Variants in ADAMTS17 observed in about 807,000 individuals in gnomAD.
ADAMTS17 encodes A disintegrin and metalloproteinase with thrombospondin motifs 17.
ADAMTS17 carries 113 observed loss-of-function variants against 141.5 expected under a neutral mutation model. That is an observed-to-expected ratio of 0.80 (90% CI 0.69 to 0.93). ADAMTS17 has a LOEUF of 0.93. ADAMTS17 is among the 40% of genes least tolerant of loss of function. The pLI is 0.00. For synonymous variants in ADAMTS17, 768 were observed against 630.6 expected, an observed-to-expected ratio of 1.22 and a Z score of -3.27; for missense variants, 1,659 against 1,517.9, an observed-to-expected ratio of 1.09 and a Z score of -1.54.
intron 3 of ADAMTS17, among the ~76,000 whole-genome samples, chr15:100,298,413 G>C (rs993468807): frequency 6.6e-6 from 1 of 152,066 alleles, no homozygotes; most frequent in African/African-American, 2.4e-5. Context: ...ATCAAGCCCC[G>C]ACTCTGTGGT....
At chr15:100,133,117 G>A (rs2038139631) in intron 11 of ADAMTS17, 97 bp downstream of exon 11, 2 of 1,203,314 alleles carry the variant, frequency 1.7e-6, no homozygotes, top group Non-Finnish European at 2.3e-6. Context: ...TGTTTCAGGG[G>A]CTCCTAAGTA....
intron 7 of ADAMTS17, among the ~76,000 whole-genome samples, chr15:100,245,331 G>A (rs2042954627): frequency 6.6e-6 from 1 of 152,232 alleles, no homozygotes; most frequent in South Asian, 2.1e-4. Context: ...TTCCCAGTCA[G>A]AACAATGAAG....
chr15:100,332,442 C>A lies in ADAMTS17; in HGVS notation c.451-1388G>T, dbSNP rs555453791. On this transcript the variant is annotated intron_variant, in intron 2 of 21. Transcript: ENST00000268070. ...GGGATGGAGCCCCGCGTGGGAGGAC[C>A]CCCCACCTGCTCCCCAGAGGATACG... is the stretch of plus-strand genomic sequence containing the variant. Among the ~76,000 whole-genome samples the A allele has an allele frequency of 5.8e-4, 89 of 152,324 alleles. 1 individual carries two copies. The highest frequency in any genetic ancestry group is 2.1e-3 in the African/African-American group (87 of 41,560).
chr15:100,209,351 G>A (rs1242882625), intron 7 of ADAMTS17, among the ~76,000 whole-genome samples: 1 of 152,146 alleles, frequency 6.6e-6, no homozygotes, highest in Non-Finnish European at 1.5e-5. Context: ...GAGCAGCTCT[G>A]GGCACCAGCT....
At chr15:100,184,251 G>A (rs2040625665) in intron 8 of ADAMTS17, among the ~76,000 whole-genome samples, 1 of 151,548 alleles carries the variant, frequency 6.6e-6, no homozygotes, top group African/African-American at 2.4e-5. Flanking sequence ...CTGTTCTTGG[G>A]TTTTATGTCT....
intron 3 of ADAMTS17, among the ~76,000 whole-genome samples, chr15:100,328,785 G>A (rs1282562656): frequency 6.6e-6 from 1 of 152,284 alleles, no homozygotes; most frequent in East Asian, 1.9e-4. Flanking sequence ...GCGGCCATTA[G>A]ACAAACATCC....
intron 2 of ADAMTS17, among the ~76,000 whole-genome samples, chr15:100,336,480 T>A (rs150376005): frequency 1.3e-3 from 193 of 152,312 alleles, no homozygotes; most frequent in Middle Eastern, 3.4e-3. Flanking sequence ...CCCCTTAACA[T>A]CCACTCAATT....
chr15:100,267,743 C>T (rs4433794), intron 4 of ADAMTS17, among the ~76,000 whole-genome samples: 96,932 of 151,926 alleles, frequency 0.64, 31,328 homozygotes, highest in African/African-American at 0.72. Context: ...TATTTCTAAT[C>T]TTTGTGGGTT....
chr15:100,274,932 A>G (rs1228920223), intron 4 of ADAMTS17, among the ~76,000 whole-genome samples: 1 of 152,138 alleles, frequency 6.6e-6, no homozygotes. Context: ...AAGTTATAAC[A>G]CTCTAATCTG....
intron 14 of ADAMTS17, among the ~76,000 whole-genome samples, chr15:100,099,042 G>T (rs774000654): frequency 2.0e-5 from 3 of 152,186 alleles, no homozygotes; most frequent in Non-Finnish European, 4.4e-5. Context: ...CTCAGTTAAG[G>T]TTTCCTGATT....
At chr15:100,069,057 G>A (rs1458680727) in intron 15 of ADAMTS17, among the ~76,000 whole-genome samples, 3 of 152,218 alleles carry the variant, frequency 2.0e-5, no homozygotes, top group African/African-American at 7.2e-5. Context: ...AAGGACCTGA[G>A]GGAGCTGAAA....
intron 18 of ADAMTS17, among the ~76,000 whole-genome samples, chr15:100,010,441 T>C (rs1429114109): frequency 1.3e-5 from 2 of 152,216 alleles, no homozygotes; most frequent in African/African-American, 4.8e-5. Flanking sequence ...GCAAGCACTC[T>C]GTTCTGCTTT....
At chr15:100,265,505 G>A (rs2043680982) in intron 4 of ADAMTS17, among the ~76,000 whole-genome samples, 1 of 152,188 alleles carries the variant, frequency 6.6e-6, no homozygotes, top group Non-Finnish European at 1.5e-5. Context: ...GGCAGCCTAG[G>A]GGCCTAGCAG....
At chr15:100,050,903 T>C (rs1192638312) in intron 17 of ADAMTS17, among the ~76,000 whole-genome samples, 1 of 152,224 alleles carries the variant, frequency 6.6e-6, no homozygotes, top group Non-Finnish European at 1.5e-5. Flanking sequence ...AATGGCTTCC[T>C]ATTGCCCCCT....
intron 7 of ADAMTS17, among the ~76,000 whole-genome samples, chr15:100,241,932 G>C (rs149597764): frequency 9.3e-4 from 141 of 152,290 alleles, no homozygotes; most frequent in African/African-American, 3.2e-3. Flanking sequence ...GTCTCTGGTA[G>C]AGCAGCCCAA....
intron 18 of ADAMTS17, among the ~76,000 whole-genome samples, chr15:100,035,693 C>A (rs193209191): frequency 3.3e-5 from 5 of 152,050 alleles, no homozygotes; most frequent in Non-Finnish European, 7.4e-5. Flanking sequence ...TCCAGAGGGA[C>A]CCCCAGAGAC....
chr15:100,162,976 ATG>A (rs1232845297), intron 8 of ADAMTS17, among the ~76,000 whole-genome samples: 1 of 140,774 alleles, frequency 7.1e-6, no homozygotes. Context: ...ATGTATATAT[ATG>A]TGTATATATA....
At chr15:100,096,257 A>G in intron 15 of ADAMTS17, 99 bp downstream of exon 15, 1 of 1,584,586 alleles carries the variant, frequency 6.3e-7, no homozygotes, top group Non-Finnish European at 8.6e-7. Context: ...ACTACCATCT[A>G]GCCCTTAAAT....
chr15:100,181,809 T>A (rs1364197652), intron 8 of ADAMTS17, among the ~76,000 whole-genome samples: 2 of 152,240 alleles, frequency 1.3e-5, no homozygotes, highest in African/African-American at 4.8e-5. Context: ...AAGCACTCCC[T>A]TAGCCACCTC....
Sources: allele counts gnomAD v4.1 joint callset (sites outside exome capture counted in the v4.1 genomes callset), GRCh38; gene constraint gnomAD v4.1.1; transcripts MANE v1.5; gene names NCBI Gene and HGNC (gene_info 2026-07-23, HGNC 2026-07-21).